The following CYP1B1 variants were observed in gnomAD, a reference collection of about 807,000 sequenced individuals.
CYP1B1 encodes the protein cytochrome P450 1B1.
A neutral mutation model predicts 29.9 loss-of-function variants in CYP1B1; 22 were observed. The observed-to-expected ratio is 0.74, with a 90% CI of 0.53 to 1.05. CYP1B1 has a LOEUF of 1.05. Among genes scored for constraint, CYP1B1 ranks in the 50% least tolerant of loss-of-function variants. The pLI, the probability that CYP1B1 is intolerant of heterozygous loss-of-function variation, is 0.00. For missense variants in CYP1B1, 883 were observed against 746.9 expected, an observed-to-expected ratio of 1.18 and a Z score of -2.12; for synonymous variants, 375 against 320.0, an observed-to-expected ratio of 1.17 and a Z score of -1.83.
In CYP1B1 at chr2:38,074,596, T is replaced by A; in HGVS notation, c.793A>T (p.Asn265Tyr). The stretch of plus-strand genomic sequence containing the variant: ...AGGATGAAGTTGCTGAAGTTGCGGT[T>A]GAGCTGCTCGAATTCGCGGAAAACG... Reference protein sequence around the residue: ...RTVFREFEQLNRNFSNFILDK... With the variant: ...RTVFREFEQLYRNFSNFILDK... The change falls in exon 2 of 3, where the codon AAC (asparagine) becomes TAC (tyrosine). Residue 265 changes from asparagine (N) to tyrosine (Y), a missense_variant. By Grantham distance (143) the Asn-to-Tyr change is moderately radical (BLOSUM62 -2). Transcript: ENST00000610745. The A allele has an allele frequency of 6.2e-7, 1 of 1,613,164 alleles. No individual in the cohort carries two copies. The highest frequency in any genetic ancestry group is 8.5e-7 in the Non-Finnish European group (1 of 1,179,792).
intron 2 of CYP1B1, among the ~76,000 whole-genome samples, chr2:38,072,658 A>T (rs1216130461): frequency 6.6e-6 from 1 of 152,236 alleles, no homozygotes; most frequent in African/African-American, 2.4e-5. Context: ...ATTATATTGC[A>T]GGAGTCTGCC....
chr2:38,067,628 A>G lies in CYP1B1; in HGVS notation c.*3094T>C, dbSNP rs1349273152. 1 of 176,304 alleles carries G rather than the reference A, an allele frequency of 5.7e-6. No homozygotes were observed. Among genetic ancestry groups the G allele is most frequent in the Non-Finnish European group, 1.2e-5 (1 of 81,756 alleles). The allele number at this position is 176,304 out of a possible 1,614,324, so 10.9% of individuals were successfully genotyped here. ...CAAGATTATGAAAGTGATTTTTATT[A>G]TTTTGGTAATGGTGTCCCAGTATAA... On this transcript the variant is annotated 3_prime_UTR_variant, in exon 3 of 3. Transcript: ENST00000610745.
intron 2 of CYP1B1, 177 bp downstream of exon 2, chr2:38,074,169 C>A: frequency 1.4e-6 from 1 of 694,262 alleles, no homozygotes; most frequent in South Asian, 1.8e-5. Flanking sequence ...GGGGCGCGTG[C>A]GCGTGTCGCA....
Position 38,075,212 on chromosome 2 carries a change from C to T in CYP1B1, c.177G>A (p.Leu59=), listed in dbSNP as rs546132541. 52 of 1,581,250 alleles carry T rather than the reference C, an allele frequency of 3.3e-5. No homozygotes were observed. The South Asian group carries it at 5.9e-4, about 18-fold the overall frequency. The change falls in exon 2 of 3, where the codon CTG becomes CTA. Residue 59 remains leucine, a synonymous_variant. Coordinates refer to ENST00000610745, the MANE Select transcript of CYP1B1 (RefSeq NM_000104.4). ...GGCCCACCGCCGCCGCGTTTCCGATCAGTGGCCACGCAAACGGGCCCGGGG... is the reference window on the plus strand; with the variant it reads ...GGCCCACCGCCGCCGCGTTTCCGATTAGTGGCCACGCAAACGGGCCCGGGG... ...SAPPGPFAWP[L]IGNAAAVGQA...
In CYP1B1 at chr2:38,074,455, C is replaced by T; in HGVS notation, c.934G>A (p.Gly312Ser). The change falls in exon 2 of 3, where the codon GGC (glycine) becomes AGC (serine). Residue 312 changes from glycine to serine, a missense_variant. Gly to Ser is a moderately conservative substitution (Grantham distance 56). Transcript: ENST00000610745. ...ACGTTCTCCAAATCCAGCCGCGCGC[C>T]ACCACCGTGCGAGTCCCCGGCCGCC... ...KKAAGDSHGG[G>S]ARLDLENVPA... is the part of the protein sequence containing the mutation. 1.9e-6 allele frequency: 3 copies of T among 1,613,148 alleles called. No homozygotes were observed. Among genetic ancestry groups the T allele is most frequent in the South Asian group, 2.2e-5 (2 of 90,966 alleles).
At position 38,075,833 on chromosome 2, in the gene CYP1B1, C is replaced by T. The variant is rs1682528822; in HGVS notation, c.-55G>A. The T allele has an allele frequency of 4.2e-6, 1 of 236,654 alleles. No individual in the cohort carries two copies. The highest frequency in any genetic ancestry group is 8.4e-6 in the Non-Finnish European group (1 of 119,480). 14.7% of individuals were successfully genotyped at this position (236,654 alleles called of 1,614,324 possible). The stretch of plus-strand genomic sequence containing the variant: ...CGGGACAGCCGGCTCCGAGAAGGAA[C>T]TGGGACCTTTGCCTAGGGCAAGACG... On this transcript the variant is annotated 5_prime_UTR_variant, in exon 1 of 3. Coordinates refer to ENST00000610745, the MANE Select transcript of CYP1B1 (RefSeq NM_000104.4).
At position 38,070,717 on chromosome 2, in the gene CYP1B1, G is replaced by A. The variant is rs1309926788; in HGVS notation, c.*5C>T. The stretch of plus-strand genomic sequence containing the variant: ...TTTCTAAAATTTCAGCTTGCCTCTT[G>A]CTTCTTATTGGCAAGTTTCCTTGGC... On this transcript the variant is annotated 3_prime_UTR_variant, in exon 3 of 3. Coordinates refer to ENST00000610745, the MANE Select transcript of CYP1B1 (RefSeq NM_000104.4). The A allele has an allele frequency of 1.2e-6, 2 of 1,613,056 alleles. No individual in the cohort carries two copies. The highest frequency in any genetic ancestry group is 1.1e-5 in the South Asian group (1 of 91,052).
rs893198212 is a variant in CYP1B1, at chr2:38,071,052, C to A, written c.1302G>T (p.Trp434Cys). 6.2e-7 allele frequency: 1 copy of A among 1,614,000 alleles called. No homozygotes were observed. The highest frequency in any genetic ancestry group is 8.5e-7 in the Non-Finnish European group (1 of 1,179,878). The change falls in exon 3 of 3, where the codon TGG becomes TGT. Residue 434 changes from tryptophan to cysteine, a missense_variant. Trp to Cys is a radical substitution (Grantham distance 215). Coordinates refer to ENST00000610745, the MANE Select transcript of CYP1B1 (RefSeq NM_000104.4). ...QWSVNHDPLK[W>C]PNPENFDPAR... The stretch of plus-strand genomic sequence containing the variant: ...CTGGATCAAAGTTCTCCGGGTTAGG[C>A]CACTTCAGTGGGTCATGATTCACAG...
Position 38,070,550 on chromosome 2 carries a change from C to A in CYP1B1, c.*172G>T, listed in dbSNP as rs1015696371. The A allele has an allele frequency of 1.7e-5, 11 of 650,230 alleles. No individual in the cohort carries two copies. The African/African-American group carries it at 2.0e-4, about 12-fold the overall frequency. The allele number at this position is 650,230 out of a possible 1,614,324, so 40.3% of individuals were successfully genotyped here. On this transcript the variant is annotated 3_prime_UTR_variant, in exon 3 of 3. Transcript: ENST00000610745. ...AGAAGCTCCTGCATAGCCCACTACT[C>A]ATGAAGAACCGCTGGGTATGGAGCA... is the stretch of plus-strand genomic sequence containing the variant.
chr2:38,075,023 G>A lies in CYP1B1; in HGVS notation c.366C>T (p.Ser122=), dbSNP rs775035289. Residue 122 remains serine, a synonymous_variant, in exon 2 of 3, where the codon TCC becomes TCT. Transcript: ENST00000610745. ...SAFADRPAFA[S]FRVVSGGRSM... is the part of the protein sequence containing the mutation. ...TGCGGCCGCCGGACACCACACGGAA[G>A]GAGGCGAAGGCCGGCCGGTCGGCGA... The A allele has an allele frequency of 3.1e-6, 5 of 1,591,916 alleles. No homozygotes were observed. The East Asian group carries it at 9.0e-5, about 29-fold the overall frequency.
Position 38,071,142 on chromosome 2 carries a change from AGT to A in CYP1B1, c.1210_1211del (p.Thr404CysfsTer26). The A allele has an allele frequency of 6.2e-7, 1 of 1,613,904 alleles. No individual in the cohort carries two copies. Among genetic ancestry groups the A allele is most frequent in the Non-Finnish European group, 8.5e-7 (1 of 1,179,812 alleles). ...GGTAGCCCAAGACAGAGGTGTTGGC[AGT>A]GGTGGCATGAGGAATAGTGACAGGC... ...FVPVTIPHAT[T>X]ANTSVLGYHI... On this transcript the variant is annotated frameshift_variant, in exon 3 of 3. Transcript: ENST00000610745. LOFTEE classifies it high-confidence loss of function.
Position 38,074,466 on chromosome 2 carries a change from G to A in CYP1B1, c.923C>T (p.Ser308Leu). ...LSAEKKAAGDSHGGGARLDLE... is the reference protein window; with the variant it reads ...LSAEKKAAGDLHGGGARLDLE... ...ATCCAGCCGCGCGCCACCACCGTGCGAGTCCCCGGCCGCCTTCTTTTCCGC... is the reference window on the plus strand; with the variant it reads ...ATCCAGCCGCGCGCCACCACCGTGCAAGTCCCCGGCCGCCTTCTTTTCCGC... Residue 308 changes from serine to leucine, a missense_variant, in exon 2 of 3, where the codon TCG (serine) becomes TTG (leucine). Transcript: ENST00000610745. 1 of 1,613,038 alleles carries A rather than the reference G, an allele frequency of 6.2e-7. No homozygotes were observed. Among genetic ancestry groups the A allele is most frequent in the Non-Finnish European group, 8.5e-7 (1 of 1,179,770 alleles).
In CYP1B1 at chr2:38,070,946, A is replaced by G. The variant is rs780250973; in HGVS notation, c.1408T>C (p.Cys470Arg). Residue 470 changes from cysteine (C) to arginine (R), a missense_variant, in exon 3 of 3, where the codon TGC becomes CGC. Transcript: ENST00000610745. ...ATCTTAGAAAGTTCTTCGCCAATGC[A>G]CCGCCTTTTGCCCACTGAAAAAATC... ...VMIFSVGKRRCIGEELSKMQL... is the reference protein window; with the variant it reads ...VMIFSVGKRRRIGEELSKMQL... The G allele has an allele frequency of 6.2e-7, 1 of 1,614,192 alleles. No homozygotes were observed. Among genetic ancestry groups the G allele is most frequent in the Non-Finnish European group, 8.5e-7 (1 of 1,180,038 alleles).
In CYP1B1 at chr2:38,074,462, G is replaced by A; in HGVS notation, c.927C>T (p.His309=). The part of the protein sequence containing the change: ...SAEKKAAGDS[H]GGGARLDLEN... Reference sequence around the variant, plus strand: ...CCAAATCCAGCCGCGCGCCACCACCGTGCGAGTCCCCGGCCGCCTTCTTTT... The same window carrying A: ...CCAAATCCAGCCGCGCGCCACCACCATGCGAGTCCCCGGCCGCCTTCTTTT... The change falls in exon 2 of 3, where the codon CAC becomes CAT. Residue 309 remains histidine (H), a synonymous_variant. Coordinates refer to ENST00000610745, the MANE Select transcript of CYP1B1 (RefSeq NM_000104.4). The A allele has an allele frequency of 2.5e-6, 4 of 1,613,046 alleles. No homozygotes were observed. The highest frequency in any genetic ancestry group is 2.2e-5 in the East Asian group (1 of 44,822).
At chr2:38,072,631 A>C (rs1316393841) in intron 2 of CYP1B1, among the ~76,000 whole-genome samples, 7 of 152,236 alleles carry the variant, frequency 4.6e-5, no homozygotes, top group Non-Finnish European at 1.0e-4. Context: ...AGTTATTTTT[A>C]GAATCGCTTC....
In CYP1B1 at chr2:38,069,256, T is replaced by C. The variant is rs1682379084; in HGVS notation, c.*1466A>G. The C allele has an allele frequency of 4.5e-6, 1 of 222,044 alleles. No homozygotes were observed. Among genetic ancestry groups the C allele is most frequent in the Non-Finnish European group, 9.0e-6 (1 of 111,108 alleles). The allele number at this position is 222,044 out of a possible 1,614,324, so 13.8% of individuals were successfully genotyped here. ...CTTTCCAAAAAGCAGGCATTAATGT[T>C]AACTTTCAAAAAATCATCTAGAAGA... On this transcript the variant is annotated 3_prime_UTR_variant, in exon 3 of 3. Coordinates refer to ENST00000610745, the MANE Select transcript of CYP1B1 (RefSeq NM_000104.4).
Position 38,075,029 on chromosome 2 carries a change from G to A in CYP1B1, c.360C>T (p.Phe120=). 4 of 1,591,262 alleles carry A rather than the reference G, an allele frequency of 2.5e-6. No individual in the cohort carries two copies. Among genetic ancestry groups the A allele is most frequent in the African/African-American group, 1.3e-5 (1 of 74,930 alleles). ...CGCCGGACACCACACGGAAGGAGGC[G>A]AAGGCCGGCCGGTCGGCGAAGGCCG... ...QGSAFADRPA[F]ASFRVVSGGR... The change falls in exon 2 of 3, where the codon TTC becomes TTT. Residue 120 remains phenylalanine (F), a synonymous_variant. Coordinates refer to ENST00000610745, the MANE Select transcript of CYP1B1 (RefSeq NM_000104.4).
chr2:38,071,063 G>A lies in CYP1B1; in HGVS notation c.1291C>T (p.Pro431Ser), dbSNP rs1303177290. The change falls in exon 3 of 3, where the codon CCA becomes TCA. Residue 431 changes from proline (P) to serine (S), a missense_variant. By Grantham distance (74) the Pro-to-Ser change is moderately conservative. Coordinates refer to ENST00000610745, the MANE Select transcript of CYP1B1 (RefSeq NM_000104.4). ...TTCTCCGGGTTAGGCCACTTCAGTG[G>A]GTCATGATTCACAGACCACTGGTTG... ...FVNQWSVNHD[P>S]LKWPNPENFD... is the part of the protein sequence containing the mutation. 1.9e-6 allele frequency: 3 copies of A among 1,613,420 alleles called. No homozygotes were observed. The highest frequency in any genetic ancestry group is 1.7e-6 in the Non-Finnish European group (2 of 1,179,520).
intron 2 of CYP1B1, chr2:38,073,584 G>T (rs764621884): frequency 2.6e-5 from 4 of 152,272 alleles, no homozygotes; most frequent in Non-Finnish European, 5.9e-5. Flanking sequence ...AGAGACCAAC[G>T]TGGGCATCAG....
Sources: gnomAD v4.1 joint callset for allele counts (sites outside exome capture counted in the v4.1 genomes callset) on GRCh38, gnomAD v4.1.1 for gene constraint, MANE v1.5 for transcripts, NCBI Gene and HGNC (gene_info 2026-07-23, HGNC 2026-07-21) for gene names.